The following GALNT13 variants were observed in gnomAD, a reference collection of about 807,000 sequenced individuals.
The protein encoded by GALNT13 is polypeptide N-acetylgalactosaminyltransferase 13.
A neutral mutation model predicts 64.2 loss-of-function variants in GALNT13; 28 were observed. The observed-to-expected ratio is 0.44, with a 90% CI of 0.32 to 0.60. The LOEUF (loss-of-function observed/expected upper bound fraction) is 0.60. Among genes scored for constraint, GALNT13 ranks in the 20% least tolerant of loss-of-function variants. GALNT13 has a pLI of 0.05. For missense variants in GALNT13, 577 were observed against 669.8 expected, an observed-to-expected ratio of 0.86 and a Z score of 1.53; for synonymous variants, 214 against 224.6, an observed-to-expected ratio of 0.95 and a Z score of 0.42.
chr2:153,715,709 C>G, the GALNT13 span, among the ~76,000 whole-genome samples: 2 of 152,186 alleles, frequency 1.3e-5, no homozygotes, highest in Non-Finnish European at 2.9e-5. Flanking sequence ...CATTTAGGCT[C>G]TAGCCCTTCC....
At chr2:153,861,767 G>T in the GALNT13 span, among the ~76,000 whole-genome samples, 1 of 151,722 alleles carries the variant, frequency 6.6e-6, no homozygotes, top group Admixed American at 6.6e-5. Flanking sequence ...TTTAGTAGAG[G>T]GTTTCACCAT....
chr2:154,282,632 A>G (rs985413719), intron 8 of GALNT13, among the ~76,000 whole-genome samples: 3 of 151,796 alleles, frequency 2.0e-5, no homozygotes, highest in African/African-American at 7.2e-5. Flanking sequence ...GTTTGTGTCT[A>G]TTTCAAGAAC....
chr2:153,083,618 C>T, the GALNT13 span, among the ~76,000 whole-genome samples: 2 of 151,710 alleles, frequency 1.3e-5, no homozygotes, highest in African/African-American at 4.8e-5. Context: ...GTTTGAGTTT[C>T]CTGTAGATTC....
At chr2:154,393,498 A>C (rs1698894751) in intron 9 of GALNT13, among the ~76,000 whole-genome samples, 2 of 152,180 alleles carry the variant, frequency 1.3e-5, no homozygotes, top group African/African-American at 4.8e-5. Context: ...GTTGTCTCTT[A>C]ATATGTCTCA....
the GALNT13 span, among the ~76,000 whole-genome samples, chr2:153,368,971 A>C: frequency 1.3e-5 from 2 of 152,146 alleles, no homozygotes; most frequent in Admixed American, 1.3e-4. Context: ...CATACAAAGT[A>C]TATTATTGGG....
At chr2:153,633,550 C>T in the GALNT13 span, among the ~76,000 whole-genome samples, 1 of 152,130 alleles carries the variant, frequency 6.6e-6, no homozygotes, top group Non-Finnish European at 1.5e-5. Context: ...CCAAGAAATG[C>T]CTCCTCTTTG....
intron 3 of GALNT13, among the ~76,000 whole-genome samples, chr2:153,945,027 C>T (rs528316325): frequency 2.6e-5 from 4 of 152,174 alleles, no homozygotes; most frequent in African/African-American, 4.8e-5. Context: ...AGACAGGTGG[C>T]GATTTTAGCA....
rs147299096 is a variant in GALNT13, at chr2:154,367,080, A to T, written c.1157-28911A>T. ...TTAAATAAACTCCTTTTTTAAAAAA[A>T]AATTGAAATTATATAACAGAGTAAA... On this transcript the variant is annotated intron_variant, in intron 9 of 12. Transcript: ENST00000392825. Among the ~76,000 whole-genome samples, 779 of 152,282 alleles carry T rather than the reference A, an allele frequency of 5.1e-3. 5 individuals carry two copies. Among genetic ancestry groups the T allele is most frequent in the African/African-American group, 9.2e-3 (384 of 41,562 alleles).
the GALNT13 span, among the ~76,000 whole-genome samples, chr2:153,076,418 G>A: frequency 6.6e-6 from 1 of 152,012 alleles, no homozygotes; most frequent in South Asian, 2.1e-4. Flanking sequence ...CTTTTAACCT[G>A]GCTTAGGTTG....
chr2:154,151,599 T>C (rs1403232668), intron 4 of GALNT13, among the ~76,000 whole-genome samples: 1 of 152,198 alleles, frequency 6.6e-6, no homozygotes, highest in East Asian at 1.9e-4. Context: ...ACTTGCTTTA[T>C]GAAACTGGGT....
intron 9 of GALNT13, among the ~76,000 whole-genome samples, chr2:154,369,102 G>GA (rs34087704): frequency 0.054 from 8,107 of 151,372 alleles, 242 homozygotes; most frequent in East Asian, 0.11. Context: ...TACAATTCTG[G>GA]AAAAAAAATG....
chr2:154,223,786 C>T (rs925214745), intron 4 of GALNT13, among the ~76,000 whole-genome samples: 3 of 152,028 alleles, frequency 2.0e-5, no homozygotes, highest in African/African-American at 7.2e-5. Context: ...TCTTAACTAA[C>T]ATTACATTGA....
intron 9 of GALNT13, among the ~76,000 whole-genome samples, chr2:154,340,669 T>A (rs2105222663): frequency 6.6e-6 from 1 of 152,242 alleles, no homozygotes; most frequent in Non-Finnish European, 1.5e-5. Context: ...AGTCCCACAT[T>A]AAATTCATAT....
chr2:153,430,530 GA>G, the GALNT13 span, among the ~76,000 whole-genome samples: 429 of 26,006 alleles, frequency 0.016, 19 homozygotes, highest in East Asian at 0.097. Context: ...TAGGTAGGGA[GA>G]GAGAGAGAGA....
intron 9 of GALNT13, among the ~76,000 whole-genome samples, chr2:154,355,338 T>C (rs1336406645): frequency 6.6e-6 from 1 of 152,138 alleles, no homozygotes; most frequent in Admixed American, 6.6e-5. Flanking sequence ...ATGGCTGATA[T>C]TTGGATATCT....
intron 9 of GALNT13, among the ~76,000 whole-genome samples, chr2:154,310,848 CA>C (rs1403953672): frequency 6.6e-6 from 1 of 151,932 alleles, no homozygotes; most frequent in Non-Finnish European, 1.5e-5. Context: ...CGGCCTTCCA[CA>C]TAAAGTTTTT....
the GALNT13 span, among the ~76,000 whole-genome samples, chr2:153,206,327 C>A: frequency 1.4e-3 from 220 of 152,086 alleles, 6 homozygotes; most frequent in East Asian, 0.038. Flanking sequence ...TTGTTCAGGC[C>A]CTTCTTATTT....
At chr2:154,032,464 G>T (rs1698398919) in intron 3 of GALNT13, among the ~76,000 whole-genome samples, 1 of 151,626 alleles carries the variant, frequency 6.6e-6, no homozygotes, top group Admixed American at 6.6e-5. Context: ...AAAAGAAATT[G>T]CCAACCAACA....
chr2:154,316,661 A>G (rs958815204), intron 9 of GALNT13, among the ~76,000 whole-genome samples: 2 of 152,170 alleles, frequency 1.3e-5, no homozygotes, highest in East Asian at 1.9e-4. Context: ...TTCTTGCTGC[A>G]TCATAGCATG....
Sources: gnomAD v4.1 joint callset for allele counts (sites outside exome capture counted in the v4.1 genomes callset) on GRCh38, gnomAD v4.1.1 for gene constraint, MANE v1.5 for transcripts, NCBI Gene and HGNC (gene_info 2026-07-23, HGNC 2026-07-21) for gene names.